FRMD4B: variants seen among roughly 807,000 people sequenced by gnomAD.
The protein encoded by FRMD4B is FERM domain-containing protein 4B.
A neutral mutation model predicts 141.5 loss-of-function variants in FRMD4B; 74 were observed. That is an observed-to-expected ratio of 0.52 (90% confidence interval 0.43 to 0.63). The LOEUF is 0.63. Ranked by LOEUF, FRMD4B falls within the 30% of genes least tolerant of loss-of-function variation. The pLI, the probability that FRMD4B is intolerant of heterozygous loss-of-function variation, is 0.00. For missense variants in FRMD4B, 1,366 were observed against 1,253.4 expected (o/e 1.09, Z -1.36); for synonymous variants, 506 against 467.9 (o/e 1.08, Z -1.05).
chr3:69,341,735 T>C (rs1559817054), intron 1 of FRMD4B, among the ~76,000 whole-genome samples: 1 of 152,234 alleles, frequency 6.6e-6, no homozygotes, highest in East Asian at 1.9e-4. Flanking sequence ...GCTCTGTCTC[T>C]TTAACGGATT....
intron 1 of FRMD4B, among the ~76,000 whole-genome samples, chr3:69,379,553 T>C (rs1202502243): frequency 6.6e-6 from 1 of 152,214 alleles, no homozygotes; most frequent in Non-Finnish European, 1.5e-5. Flanking sequence ...GCTGGGATTA[T>C]AGGCACGAGG....
intron 1 of FRMD4B, among the ~76,000 whole-genome samples, chr3:69,439,050 CGTGTGTGTGTATGT>C (rs1705303409): frequency 1.4e-5 from 1 of 72,274 alleles, no homozygotes; most frequent in Non-Finnish European, 2.5e-5. Context: ...AGTTCGTGTG[CGTGTGTGTGTATGT>C]GTGTGTGTGT....
Position 69,195,042 on chromosome 3 carries a change from T to G in FRMD4B, c.1468A>C (p.Asn490His), listed in dbSNP as rs1387081958. Residue 490 changes from asparagine (N) to histidine (H), a missense_variant, in exon 16 of 23, where the codon AAC becomes CAC. By Grantham distance (68) the Asn-to-His change is moderately conservative (BLOSUM62 1). Coordinates refer to ENST00000398540, the MANE Select transcript of FRMD4B (RefSeq NM_015123.3). ...RVGTAFKLDDNLLPSEEDPAL... is the reference protein window; with the variant it reads ...RVGTAFKLDDHLLPSEEDPAL... The stretch of plus-strand genomic sequence containing the variant: ...CATACTTCTTCACTCGGCAGCAAGT[T>G]GTCATCTAATTTGAACGCAGTACCC... 6.2e-7 allele frequency: 1 copy of G among 1,613,726 alleles called. No homozygotes were observed. The highest frequency in any genetic ancestry group is 8.5e-7 in the Non-Finnish European group (1 of 1,179,776).
chr3:69,385,578 A>C (rs1035143192), intron 1 of FRMD4B, among the ~76,000 whole-genome samples: 1 of 152,070 alleles, frequency 6.6e-6, no homozygotes, highest in Admixed American at 6.5e-5. Flanking sequence ...CCAGTACACC[A>C]TTGCTCTGTA....
intron 11 of FRMD4B, among the ~76,000 whole-genome samples, chr3:69,212,031 C>CG (rs1358931556): frequency 1.3e-5 from 2 of 148,394 alleles, no homozygotes; most frequent in Non-Finnish European, 3.0e-5. Context: ...TAGACACCCC[C>CG]CAAAAAAAAA....
At chr3:69,244,959 G>A (rs1289136070) in intron 7 of FRMD4B, among the ~76,000 whole-genome samples, 1 of 152,224 alleles carries the variant, frequency 6.6e-6, no homozygotes, top group South Asian at 2.1e-4. Context: ...AGGCCATGAT[G>A]AACATCTTTT....
At chr3:69,380,248 T>A (rs1438141142) in intron 1 of FRMD4B, among the ~76,000 whole-genome samples, 1 of 152,132 alleles carries the variant, frequency 6.6e-6, no homozygotes, top group Non-Finnish European at 1.5e-5. Context: ...ATACCCAAGG[T>A]CCACCCCACA....
chr3:69,468,788 C>T (rs908473360), intron 1 of FRMD4B, among the ~76,000 whole-genome samples: 1 of 152,170 alleles, frequency 6.6e-6, no homozygotes, highest in Non-Finnish European at 1.5e-5. Flanking sequence ...GCGACTGAAT[C>T]AAGCAAGTCG....
Position 69,171,635 on chromosome 3 carries a change from C to A in FRMD4B, c.*226G>T, listed in dbSNP as rs61104752. 2.2e-3 allele frequency: 1,056 copies of A among 479,326 alleles called. 8 individuals are homozygous for A. The highest frequency in any genetic ancestry group is 0.019 in the African/African-American group (952 of 51,110). 29.7% of individuals were successfully genotyped at this position (479,326 alleles called of 1,614,324 possible). A position where few individuals can be genotyped will look rare whatever the true frequency, so the allele number is the denominator to read the frequency against. On this transcript the variant is annotated 3_prime_UTR_variant, in exon 23 of 23. Transcript: ENST00000398540. Reference sequence around the variant, plus strand: ...CAATACTTCAACATGTGGGCAGACCCTACAGTTACGTTAGTGCCTAGAGTT... The same window carrying A: ...CAATACTTCAACATGTGGGCAGACCATACAGTTACGTTAGTGCCTAGAGTT...
intron 11 of FRMD4B, among the ~76,000 whole-genome samples, chr3:69,199,780 T>C (rs1300872026): frequency 6.6e-6 from 1 of 152,244 alleles, no homozygotes; most frequent in East Asian, 1.9e-4. Context: ...GAACAAACTT[T>C]ACTAGCAATG....
At chr3:69,340,028 C>A (rs1368903883) in intron 1 of FRMD4B, among the ~76,000 whole-genome samples, 1 of 152,150 alleles carries the variant, frequency 6.6e-6, no homozygotes, top group Non-Finnish European at 1.5e-5. Flanking sequence ...CCTCTTACTC[C>A]CTGGGCCCCA....
chr3:69,309,575 T>G (rs941267728), intron 3 of FRMD4B, among the ~76,000 whole-genome samples: 1 of 150,536 alleles, frequency 6.6e-6, no homozygotes, highest in Non-Finnish European at 1.5e-5. Flanking sequence ...CCCGAGTAGC[T>G]GGGACTACAG....
chr3:69,225,731 GGGA>G (rs2093248038), intron 7 of FRMD4B, among the ~76,000 whole-genome samples: 1 of 18,378 alleles, frequency 5.4e-5, no homozygotes, highest in African/African-American at 1.5e-4. Flanking sequence ...AAAAAAAAGA[GGGA>G]GAACACGTAA....
intron 2 of FRMD4B, among the ~76,000 whole-genome samples, chr3:69,401,482 T>A (rs1030122667): frequency 6.6e-6 from 1 of 152,202 alleles, no homozygotes; most frequent in South Asian, 2.1e-4. Flanking sequence ...TCCAGGAAGA[T>A]GTGCAATGTT....
chr3:69,232,960 C>G (rs570561814), intron 7 of FRMD4B, among the ~76,000 whole-genome samples: 27 of 148,200 alleles, frequency 1.8e-4, no homozygotes, highest in African/African-American at 6.7e-4. Context: ...CTTTGTTGCC[C>G]AGGCAGGTTT....
intron 1 of FRMD4B, among the ~76,000 whole-genome samples, chr3:69,458,849 TAAA>T (rs35229515): frequency 1.5e-3 from 124 of 82,156 alleles, no homozygotes; most frequent in Middle Eastern, 7.9e-3. Context: ...ATGGGCTGCT[TAAA>T]AAAAAAAAAA....
chr3:69,536,145 C>A (rs539659491), intron 1 of FRMD4B: 80 of 506,624 alleles, frequency 1.6e-4, no homozygotes, highest in South Asian at 1.6e-3. Context: ...TTGGGAGGAG[C>A]CTTCTGCACC....
intron 11 of FRMD4B, among the ~76,000 whole-genome samples, chr3:69,211,563 A>G (rs1412711501): frequency 6.6e-6 from 1 of 152,212 alleles, no homozygotes; most frequent in Non-Finnish European, 1.5e-5. Context: ...GAGATCTTGG[A>G]ACAACTCCTT....
intron 8 of FRMD4B, among the ~76,000 whole-genome samples, chr3:69,223,174 T>G (rs1176008099): frequency 1.3e-5 from 2 of 152,234 alleles, no homozygotes; most frequent in Admixed American, 1.3e-4. Flanking sequence ...GAAGTATTTC[T>G]ATCTCCATAT....
Sources: gnomAD v4.1 joint callset for allele counts (sites outside exome capture counted in the v4.1 genomes callset) on GRCh38, gnomAD v4.1.1 for gene constraint, MANE v1.5 for transcripts, NCBI Gene and HGNC (gene_info 2026-07-23, HGNC 2026-07-21) for gene names.